The following TAF1 variants were observed in gnomAD, a reference collection of about 807,000 sequenced individuals.
TAF1 encodes the protein transcription initiation factor TFIID subunit 1.
Under a neutral mutation model 138.5 loss-of-function variants are expected in TAF1, and 2 were observed. The observed-to-expected ratio is 0.01, with a 90% CI of 0.01 to 0.05. The LOEUF (loss-of-function observed/expected upper bound fraction) is 0.05. Ranked by LOEUF, TAF1 falls within the 10% of genes least tolerant of loss-of-function variation. The pLI is 1.00. For synonymous variants in TAF1, 437 were observed against 503.2 expected, an observed-to-expected ratio of 0.87 and a Z score of 1.76; for missense variants, 709 against 1,478.0, an observed-to-expected ratio of 0.48 and a Z score of 8.53.
chrX:71,419,776 G>A (rs1315665018), intron 28 of TAF1, among the ~76,000 whole-genome samples: 1 of 111,041 alleles, frequency 9.0e-6, no homozygotes, highest in Non-Finnish European at 1.9e-5. Context: ...CAGCCCCCAG[G>A]GGGGTGAAAT....
chrX:71,500,091 G>T (rs1175145378), intron 13 of TAF1, among the ~76,000 whole-genome samples: 1 of 110,749 alleles, frequency 9.0e-6, no homozygotes. Context: ...TTTCCTTCTG[G>T]GTGGGGGAGA....
At chrX:71,375,610 G>A (rs993818422) in intron 4 of TAF1, among the ~76,000 whole-genome samples, 1 of 111,119 alleles carries the variant, frequency 9.0e-6, no homozygotes, top group African/African-American at 3.3e-5. Flanking sequence ...AAGATCTTGG[G>A]TAGAGTCCAG....
At chrX:71,458,841 G>A (rs2038419875) in intron 35 of TAF1, among the ~76,000 whole-genome samples, 1 of 111,695 alleles carries the variant, frequency 9.0e-6, no homozygotes, top group Non-Finnish European at 1.9e-5. Context: ...AAACCCAGGA[G>A]GGTTTTTCTA....
At chrX:71,407,479 A>C (rs2035535929) in intron 26 of TAF1, 95 bp from the exon 27 acceptor site, 1 of 810,833 alleles carries the variant, frequency 1.2e-6, no homozygotes, top group African/African-American at 2.0e-5. Flanking sequence ...CAGCCTCCCA[A>C]AGTGCTGGGA....
chrX:71,377,341 T>C, intron 5 of TAF1, 150 bp downstream of exon 5: 3 of 893,024 alleles, frequency 3.4e-6, no homozygotes, highest in Non-Finnish European at 4.5e-6. Context: ...GTATTAGGTC[T>C]TTTTTTTAAA....
At chrX:71,519,338 GTAA>G (rs1215704174) in intron 13 of TAF1, among the ~76,000 whole-genome samples, 3 of 84,178 alleles carry the variant, frequency 3.6e-5, no homozygotes, top group South Asian at 5.5e-4. Context: ...AAAAAAAAAA[GTAA>G]TAATAATTTT....
At chrX:71,447,869 T>C (rs1216871195) in intron 32 of TAF1, among the ~76,000 whole-genome samples, 3 of 110,968 alleles carry the variant, frequency 2.7e-5, no homozygotes, top group Non-Finnish European at 5.7e-5. Context: ...TGGCATTATC[T>C]CTATTTAAGG....
intron 37 of TAF1, among the ~76,000 whole-genome samples, chrX:71,463,434 G>GC (rs1248688546): frequency 9.0e-6 from 1 of 110,881 alleles, no homozygotes; most frequent in East Asian, 2.8e-4. Context: ...AAAGGACTAA[G>GC]CCAAGGTAGG....
intron 34 of TAF1, among the ~76,000 whole-genome samples, chrX:71,456,318 T>C (rs931297522): frequency 1.8e-5 from 2 of 112,084 alleles, no homozygotes; most frequent in Non-Finnish European, 1.9e-5. Context: ...GCTATTTCTC[T>C]CTTGAGCATT....
intron 13 of TAF1, among the ~76,000 whole-genome samples, chrX:71,477,598 G>A (rs1423157349): frequency 1.8e-5 from 2 of 112,081 alleles, no homozygotes; most frequent in Non-Finnish European, 3.8e-5. Flanking sequence ...TGCCCACTAA[G>A]AATATTTCTA....
In TAF1 at chrX:71,464,270, C is replaced by G. The variant is rs1178195368; in HGVS notation, c.*224C>G. On this transcript the variant is annotated 3_prime_UTR_variant, in exon 38 of 38. Transcript: ENST00000423759. ...TTTAAAACAAAGCAACCCCCTTTCC[C>G]CTACCACTACGGAAAAGAGCAAGCT... 2.4e-6 allele frequency: 1 copy of G among 410,457 alleles called. No homozygotes were observed. Among genetic ancestry groups the G allele is most frequent in the Non-Finnish European group, 4.2e-6 (1 of 238,979 alleles). The allele number at this position is 410,457 out of a possible 1,213,427, so 33.8% of individuals were successfully genotyped here.
intron 9 of TAF1, among the ~76,000 whole-genome samples, chrX:71,382,268 C>G (rs778622961): frequency 9.0e-6 from 1 of 110,744 alleles, no homozygotes; most frequent in South Asian, 3.8e-4. Flanking sequence ...GTAGGACTGT[C>G]GGAAAGTAGT....
Position 71,428,582 on chromosome X carries a change from C to A in TAF1, c.4753+4344C>A, listed in dbSNP as rs147905210. Reference sequence around the variant, plus strand: ...ATAAAATAGTGCATGTAAGTACTTACCATGTGGTAAGATTATAATCCTAAT... The same window carrying A: ...ATAAAATAGTGCATGTAAGTACTTAACATGTGGTAAGATTATAATCCTAAT... On this transcript the variant is annotated intron_variant, in intron 32 of 37. Transcript: ENST00000423759. Among the ~76,000 whole-genome samples the A allele has an allele frequency of 7.2e-3, 803 of 111,815 alleles. 10 individuals carry two copies. The highest frequency in any genetic ancestry group is 0.025 in the African/African-American group (761 of 30,792).
chrX:71,509,572 T>C (rs755362569), intron 13 of TAF1, among the ~76,000 whole-genome samples: 11 of 111,381 alleles, frequency 9.9e-5, no homozygotes, highest in Non-Finnish European at 2.1e-4. Context: ...GCATGGTGGC[T>C]CACACCTGTA....
At chrX:71,486,495 C>G (rs142658868) in intron 13 of TAF1, among the ~76,000 whole-genome samples, 3 of 108,784 alleles carry the variant, frequency 2.8e-5, no homozygotes. Flanking sequence ...GCTGGGACTA[C>G]AGGTGCACAC....
intron 13 of TAF1, among the ~76,000 whole-genome samples, chrX:71,473,399 C>G (rs2038924008): frequency 9.0e-6 from 1 of 111,055 alleles, no homozygotes; most frequent in Non-Finnish European, 1.9e-5. Context: ...TGGCCAGGTG[C>G]AGTGACTCTT....
intron 13 of TAF1, among the ~76,000 whole-genome samples, chrX:71,523,002 C>G (rs1044369915): frequency 5.5e-5 from 6 of 108,429 alleles, no homozygotes; most frequent in African/African-American, 2.0e-4. Context: ...GGCAACATAG[C>G]GAAACACTGT....
chrX:71,369,835 G>A (rs971605963), intron 3 of TAF1, among the ~76,000 whole-genome samples: 26 of 106,609 alleles, frequency 2.4e-4, no homozygotes, highest in African/African-American at 3.7e-4. Flanking sequence ...GGATGGTCTC[G>A]ATATCCTGAC....
intron 28 of TAF1, among the ~76,000 whole-genome samples, chrX:71,418,297 A>G (rs1405090519): frequency 1.8e-5 from 2 of 111,344 alleles, no homozygotes; most frequent in Non-Finnish European, 3.8e-5. Flanking sequence ...AGGTCTTACT[A>G]TGTTGCCCAG....
Sources: allele counts gnomAD v4.1 joint callset (sites outside exome capture counted in the v4.1 genomes callset), GRCh38; gene constraint gnomAD v4.1.1; transcripts MANE v1.5; gene names NCBI Gene and HGNC (gene_info 2026-07-23, HGNC 2026-07-21).